The following CEACAM5 variants were observed in gnomAD, a reference collection of about 807,000 sequenced individuals.
CEACAM5 encodes the protein cell adhesion molecule CEACAM5.
A neutral mutation model predicts 63.0 loss-of-function variants in CEACAM5; 52 were observed. The ratio of observed to expected loss-of-function variants is 0.83; its 90% confidence interval spans 0.66 to 1.04. The LOEUF (loss-of-function observed/expected upper bound fraction) is 1.04. Among genes scored for constraint, CEACAM5 ranks in the 50% least tolerant of loss-of-function variants. CEACAM5 has a pLI of 0.00. For synonymous variants in CEACAM5, 357 were observed against 351.3 expected (o/e 1.02, Z -0.18); for missense variants, 790 against 864.8 (o/e 0.91, Z 1.08).
At chr19:41,721,201 C>T (rs782714151) in intron 8 of CEACAM5, 25 bp downstream of exon 8, 10 of 1,612,598 alleles carry the variant, frequency 6.2e-6, no homozygotes, top group Non-Finnish European at 8.5e-6. Context: ...GGAGCATCAG[C>T]ATCATATTCT....
chr19:41,714,173 C>T (rs2072481835), intron 2 of CEACAM5, among the ~76,000 whole-genome samples: 1 of 152,126 alleles, frequency 6.6e-6, no homozygotes, highest in South Asian at 2.1e-4. Context: ...CGAGATCGTG[C>T]CTGGCCAACA....
chr19:41,717,870 C>A (rs1244092807), intron 5 of CEACAM5, 137 bp downstream of exon 5: 2 of 1,165,282 alleles, frequency 1.7e-6, no homozygotes, highest in Non-Finnish European at 1.2e-6. Context: ...CTACCCCCAG[C>A]AAATCCATGC....
At chr19:41,718,477 G>A (rs1381599464) in intron 6 of CEACAM5, 95 bp downstream of exon 6, 12 of 1,335,710 alleles carry the variant, frequency 9.0e-6, no homozygotes, top group East Asian at 2.3e-5. Flanking sequence ...TTCCTAGTAT[G>A]CATCCAATGG....
rs1037222768 is a variant in CEACAM5, at chr19:41,720,348, C to T, written c.1771+140C>T. The T allele has an allele frequency of 4.0e-5, 47 of 1,166,202 alleles. No homozygotes were observed. In the African/African-American group the frequency reaches 7.2e-4, roughly 18 times the overall value. 72.2% of individuals were successfully genotyped at this position (1,166,202 alleles called of 1,614,324 possible). A position where few individuals can be genotyped will look rare whatever the true frequency, so the allele number is the denominator to read the frequency against. On this transcript the variant is annotated intron_variant, in intron 7 of 9. Transcript: ENST00000221992. ...CCCAGGCTGGCCATAACTTCCTGTC[C>T]CAGGAAAATTTGGGCAACCTCAGCC...
chr19:41,719,885 T>A (rs782012638), intron 6 of CEACAM5, 45 bp from the exon 7 acceptor site: 1 of 1,610,214 alleles, frequency 6.2e-7, no homozygotes, highest in Admixed American at 1.7e-5. Context: ...CTGTGAGGAA[T>A]CAAAAGTGCC....
At position 41,729,235 on chromosome 19, in the gene CEACAM5, T is replaced by C. The variant is rs1299013143; in HGVS notation, c.*88T>C. ...CATTTGCAACAGCTACAGTCTAAAA[T>C]TGCTTCTTTACCAAGGATATTTACA... On this transcript the variant is annotated 3_prime_UTR_variant, in exon 10 of 10. Coordinates refer to ENST00000221992, the MANE Select transcript of CEACAM5 (RefSeq NM_004363.6). 3 of 152,150 alleles carry C rather than the reference T, an allele frequency of 2.0e-5. No homozygotes were observed. Among genetic ancestry groups the C allele is most frequent in the African/African-American group, 7.2e-5 (3 of 41,422 alleles). The allele number at this position is 152,150 out of a possible 1,614,324, so 9.4% of individuals were successfully genotyped here.
intron 2 of CEACAM5, among the ~76,000 whole-genome samples, chr19:41,712,867 G>C (rs1397598233): frequency 2.0e-5 from 3 of 152,104 alleles, no homozygotes; most frequent in African/African-American, 7.2e-5. Context: ...ACTATAGTCA[G>C]AAAATAACAT....
Position 41,708,758 on chromosome 19 carries a change from C to G in CEACAM5, c.27C>G (p.His9Gln). Reference sequence around the variant, plus strand: ...TGGAGTCTCCCTCGGCCCCTCCCCACAGATGGTGCATCCCCTGGCAGAGGC... The same window carrying G: ...TGGAGTCTCCCTCGGCCCCTCCCCAGAGATGGTGCATCCCCTGGCAGAGGC... Reference protein sequence around the residue: MESPSAPPHRWCIPWQRLL... With the variant: MESPSAPPQRWCIPWQRLL... The change falls in exon 1 of 10, where the codon CAC becomes CAG. Residue 9 changes from histidine to glutamine, a missense_variant. Physicochemically the swap from His to Gln is conservative, Grantham distance 24 (BLOSUM62 0). Coordinates refer to ENST00000221992, the MANE Select transcript of CEACAM5 (RefSeq NM_004363.6). 1 of 1,612,220 alleles carries G rather than the reference C, an allele frequency of 6.2e-7. No homozygotes were observed.
intron 8 of CEACAM5, among the ~76,000 whole-genome samples, chr19:41,723,784 A>G (rs1450752471): frequency 1.3e-5 from 2 of 151,880 alleles, no homozygotes; most frequent in Non-Finnish European, 2.9e-5. Flanking sequence ...CGTCTCTACT[A>G]AAAATACAAA....
chr19:41,720,179 G>C lies in CEACAM5; in HGVS notation c.1742G>C (p.Arg581Pro). 6.2e-7 allele frequency: 1 copy of C among 1,614,192 alleles called. No homozygotes were observed. The highest frequency in any genetic ancestry group is 8.5e-7 in the Non-Finnish European group (1 of 1,179,988). ...ATCCAGAACTCAGTGAGTGCAAACC[G>C]CAGTGACCCAGTCACCCTGGATGTC... The part of the protein sequence containing the change: ...CGIQNSVSAN[R>P]SDPVTLDVLY... The change falls in exon 7 of 10, where the codon CGC becomes CCC. Residue 581 changes from arginine to proline, a missense_variant. Physicochemically the swap from Arg to Pro is moderately radical, Grantham distance 103. Coordinates refer to ENST00000221992, the MANE Select transcript of CEACAM5 (RefSeq NM_004363.6).
intron 5 of CEACAM5, 70 bp from the exon 6 acceptor site, chr19:41,718,058 C>T (rs868922624): frequency 2.3e-5 from 37 of 1,575,078 alleles, no homozygotes; most frequent in Middle Eastern, 3.5e-4. Flanking sequence ...CACTGTTGCC[C>T]TTTCACAGAC....
intron 8 of CEACAM5, among the ~76,000 whole-genome samples, chr19:41,723,882 T>C (rs2072661858): frequency 6.7e-6 from 1 of 148,330 alleles, no homozygotes; most frequent in Non-Finnish European, 1.5e-5. Context: ...CCAGGAGGCA[T>C]AGCTTGCAGT....
intron 9 of CEACAM5, among the ~76,000 whole-genome samples, chr19:41,727,569 C>T (rs1244520708): frequency 3.3e-5 from 5 of 152,204 alleles, no homozygotes; most frequent in African/African-American, 1.2e-4. Flanking sequence ...TCCCCACCCT[C>T]TGCTCATTTG....
chr19:41,716,724 CGT>C (rs1160391713), intron 4 of CEACAM5, among the ~76,000 whole-genome samples: 17 of 152,212 alleles, frequency 1.1e-4, no homozygotes, highest in South Asian at 6.2e-4. Flanking sequence ...TGTCAAAAAT[CGT>C]GTGTTTATAC....
At position 41,718,342 on chromosome 19, in the gene CEACAM5, T is replaced by C; in HGVS notation, c.1452T>C (p.Ser484=). The change falls in exon 6 of 10, where the codon AGT becomes AGC. Residue 484 remains serine, a synonymous_variant. Coordinates refer to ENST00000221992, the MANE Select transcript of CEACAM5 (RefSeq NM_004363.6). ...LYTCQANNSA[S]GHSRTTVKTI... is the part of the protein sequence containing the mutation. ...CCTGCCAGGCCAATAACTCAGCCAGTGGCCACAGCAGGACTACAGTCAAGA... is the reference window on the plus strand; with the variant it reads ...CCTGCCAGGCCAATAACTCAGCCAGCGGCCACAGCAGGACTACAGTCAAGA... 4 of 1,614,158 alleles carry C rather than the reference T, an allele frequency of 2.5e-6. No individual in the cohort carries two copies. Among genetic ancestry groups the C allele is most frequent in the Admixed American group, 1.7e-5 (1 of 60,026 alleles).
At chr19:41,717,108 T>C (rs1479731536) in intron 4 of CEACAM5, among the ~76,000 whole-genome samples, 1 of 152,218 alleles carries the variant, frequency 6.6e-6, no homozygotes, top group Non-Finnish European at 1.5e-5. Context: ...ACGCAGCTCC[T>C]TCAAATTCCA....
rs782040965 is a variant in CEACAM5 at position 41,709,714 on chromosome 19, T to C, written c.99T>C (p.Thr33=). 2.5e-6 allele frequency: 4 copies of C among 1,613,956 alleles called. No homozygotes were observed. In the East Asian group the frequency reaches 8.9e-5, roughly 36 times the overall value. ...SLLTFWNPPT[T]AKLTIESTPF... is the part of the protein sequence containing the mutation. ...TAACCTTCTGGAACCCGCCCACCAC[T>C]GCCAAGCTCACTATTGAATCCACGC... The change falls in exon 2 of 10, where the codon ACT becomes ACC. Residue 33 remains threonine, a synonymous_variant. Coordinates refer to ENST00000221992, the MANE Select transcript of CEACAM5 (RefSeq NM_004363.6).
At chr19:41,724,515 A>C (rs782652113) in intron 8 of CEACAM5, among the ~76,000 whole-genome samples, 4 of 151,786 alleles carry the variant, frequency 2.6e-5, no homozygotes, top group Non-Finnish European at 5.9e-5. Context: ...TGTCACTGGG[A>C]CTCTGGTACA....
chr19:41,726,530 C>G (rs1300024029), intron 8 of CEACAM5, among the ~76,000 whole-genome samples: 1 of 152,114 alleles, frequency 6.6e-6, no homozygotes, highest in Non-Finnish European at 1.5e-5. Flanking sequence ...TGAGATTCAG[C>G]CAAGATGGAA....
Sources: gnomAD v4.1 joint callset for allele counts (sites outside exome capture counted in the v4.1 genomes callset) on GRCh38, gnomAD v4.1.1 for gene constraint, MANE v1.5 for transcripts, NCBI Gene and HGNC (gene_info 2026-07-23, HGNC 2026-07-21) for gene names.